The following IGSF21 variants were observed in gnomAD, a reference collection of about 807,000 sequenced individuals.
The protein encoded by IGSF21 is immunoglobin superfamily member 21, also known as immunoglobulin superfamily member 21.
In IGSF21, 28 loss-of-function variants were observed where a neutral mutation model predicts 46.8. The ratio of observed to expected loss-of-function variants is 0.60; its 90% CI spans 0.44 to 0.82. IGSF21 has a LOEUF of 0.82. Among genes scored for constraint, IGSF21 ranks in the 40% least tolerant of loss-of-function variants. IGSF21 has a pLI of 0.00. For synonymous variants in IGSF21, 284 were observed against 273.6 expected (o/e 1.04, Z -0.38); for missense variants, 624 against 665.5 (o/e 0.94, Z 0.69).
intron 1 of IGSF21, among the ~76,000 whole-genome samples, chr1:18,164,390 T>C (rs2086657990): frequency 6.6e-6 from 1 of 151,982 alleles, no homozygotes; most frequent in African/African-American, 2.4e-5. Context: ...GTCCTTCCCT[T>C]TCCTGTCTTT....
chr1:18,215,987 C>T (rs944636948), intron 1 of IGSF21, among the ~76,000 whole-genome samples: 12 of 152,120 alleles, frequency 7.9e-5, no homozygotes, highest in African/African-American at 1.9e-4. Flanking sequence ...AGGTGCATAC[C>T]GGGTCCCTGG....
At position 18,343,392 on chromosome 1, in the gene IGSF21, G is replaced by GATA. The variant is rs375004773; in HGVS notation, c.424+8384_424+8385insAAT. 7.8e-3 allele frequency among the ~76,000 whole-genome samples: 1,181 copies of GATA among 152,256 alleles called. 15 individuals carry two copies. Among genetic ancestry groups the GATA allele is most frequent in the African/African-American group, 0.026 (1,062 of 41,544 alleles). On this transcript the variant is annotated intron_variant, in intron 4 of 9. Coordinates refer to ENST00000251296, the MANE Select transcript of IGSF21 (RefSeq NM_032880.5). Reference sequence around the variant, plus strand: ...CTGCATATTTTTCTCCCATTGTGTAGATTGTCTTTTTACTTTCTCCATGGT... The same window carrying GATA: ...CTGCATATTTTTCTCCCATTGTGTAGATAATTGTCTTTTTACTTTCTCCATGGT...
intron 3 of IGSF21, among the ~76,000 whole-genome samples, chr1:18,302,562 A>C (rs1338122602): frequency 6.6e-6 from 1 of 152,068 alleles, no homozygotes. Flanking sequence ...CCTTTCCAAG[A>C]GCCCACTTCC....
intron 3 of IGSF21, among the ~76,000 whole-genome samples, chr1:18,303,974 G>A (rs576824341): frequency 2.2e-4 from 34 of 152,304 alleles, no homozygotes; most frequent in African/African-American, 8.2e-4. Context: ...AATTGACCTC[G>A]GTTTGAGTTT....
chr1:18,180,780 C>T (rs1472527013), intron 1 of IGSF21, among the ~76,000 whole-genome samples: 1 of 152,210 alleles, frequency 6.6e-6, no homozygotes, highest in Non-Finnish European at 1.5e-5. Flanking sequence ...AAGGCTTATA[C>T]AACCTTGATG....
At chr1:18,136,846 G>A (rs1173902219) in intron 1 of IGSF21, among the ~76,000 whole-genome samples, 1 of 152,144 alleles carries the variant, frequency 6.6e-6, no homozygotes, top group African/African-American at 2.4e-5. Flanking sequence ...ATTACCTCGG[G>A]CAGTATGGCC....
At chr1:18,173,706 G>A (rs2086765141) in intron 1 of IGSF21, among the ~76,000 whole-genome samples, 1 of 152,160 alleles carries the variant, frequency 6.6e-6, no homozygotes, top group Non-Finnish European at 1.5e-5. Context: ...TAGCAGATGT[G>A]GATTTGAGTT....
intron 1 of IGSF21, among the ~76,000 whole-genome samples, chr1:18,209,860 C>T (rs1477322218): frequency 6.6e-6 from 1 of 152,088 alleles, no homozygotes; most frequent in African/African-American, 2.4e-5. Flanking sequence ...GCCCCAGACA[C>T]GGTCCATGCA....
chr1:18,378,483 A>C lies in IGSF21; in HGVS notation c.*157A>C. ...TAAAACAAACAGAACAATTTTCCCC[A>C]CCTCGGTTTGTGGCTCTGCATTCTT... On this transcript the variant is annotated 3_prime_UTR_variant, in exon 10 of 10. Coordinates refer to ENST00000251296, the MANE Select transcript of IGSF21 (RefSeq NM_032880.5). 1 of 645,844 alleles carries C rather than the reference A, an allele frequency of 1.5e-6. No homozygotes were observed. The highest frequency in any genetic ancestry group is 2.6e-6 in the Non-Finnish European group (1 of 378,064). 40.0% of individuals were successfully genotyped at this position (645,844 alleles called of 1,614,324 possible). A position where few individuals can be genotyped will look rare whatever the true frequency, so the allele number is the denominator to read the frequency against.
intron 2 of IGSF21, among the ~76,000 whole-genome samples, chr1:18,256,078 C>T (rs929940027): frequency 6.6e-6 from 1 of 152,178 alleles, no homozygotes; most frequent in Non-Finnish European, 1.5e-5. Context: ...CTTTCATCAG[C>T]CCCAACCCAG....
At chr1:18,359,303 G>GAAAAA (rs1453359448) in intron 4 of IGSF21, among the ~76,000 whole-genome samples, 2 of 111,152 alleles carry the variant, frequency 1.8e-5, no homozygotes, top group Non-Finnish European at 3.9e-5. Context: ...AAAAGAAAAA[G>GAAAAA]AAAAGAAAGA....
intron 2 of IGSF21, among the ~76,000 whole-genome samples, chr1:18,235,636 C>T (rs757851098): frequency 4.6e-5 from 7 of 152,132 alleles, no homozygotes; most frequent in East Asian, 1.9e-4. Flanking sequence ...TGGAACAAAA[C>T]GAATAGGGGG....
At chr1:18,156,624 TG>T (rs1454805564) in intron 1 of IGSF21, among the ~76,000 whole-genome samples, 1 of 152,220 alleles carries the variant, frequency 6.6e-6, no homozygotes, top group African/African-American at 2.4e-5. Context: ...TGTGGCATTC[TG>T]GGTCTCTCCT....
chr1:18,307,883 G>A (rs1050949878), intron 3 of IGSF21, among the ~76,000 whole-genome samples: 2 of 152,152 alleles, frequency 1.3e-5, no homozygotes, highest in East Asian at 1.9e-4. Flanking sequence ...AGGAGGGCTC[G>A]ACCCCAGGCC....
At chr1:18,313,853 G>A (rs1279906530) in intron 3 of IGSF21, among the ~76,000 whole-genome samples, 1 of 152,144 alleles carries the variant, frequency 6.6e-6, no homozygotes, top group Admixed American at 6.5e-5. Flanking sequence ...TGCAGTGCTG[G>A]GACCCAGAGC....
chr1:18,336,592 C>T (rs749472921), intron 4 of IGSF21, among the ~76,000 whole-genome samples: 3 of 152,210 alleles, frequency 2.0e-5, no homozygotes, highest in Non-Finnish European at 4.4e-5. Context: ...AGTGAAGACA[C>T]TGCGCTAAGG....
chr1:18,330,579 G>A (rs946292082), intron 3 of IGSF21, among the ~76,000 whole-genome samples: 13 of 138,418 alleles, frequency 9.4e-5, no homozygotes, highest in Non-Finnish European at 1.4e-4. Flanking sequence ...GAGAAGGGAA[G>A]GTGGGAGACA....
At chr1:18,208,440 GGC>G (rs1160503065) in intron 1 of IGSF21, among the ~76,000 whole-genome samples, 3 of 138,058 alleles carry the variant, frequency 2.2e-5, no homozygotes, top group African/African-American at 7.9e-5. Flanking sequence ...GGAGTGCAGT[GGC>G]GCAATCTCGG....
rs2085252004 is a variant in IGSF21, at chr1:18,290,183, C to T, written c.184-1683C>T. ...GAGGAGAGGAGAATCCTCCTGTCCC[C>T]GTCCTCCTCATCTTCCTCCACTCTC... On this transcript the variant is annotated intron_variant, in intron 2 of 9. Coordinates refer to ENST00000251296, the MANE Select transcript of IGSF21 (RefSeq NM_032880.5). The surrounding 1 kb of genome is among the most constrained non-coding windows in gnomAD (Gnocchi z 4.2). Among the ~76,000 whole-genome samples, 1 of 152,162 alleles carries T rather than the reference C, an allele frequency of 6.6e-6. No individual in the cohort carries two copies. The highest frequency in any genetic ancestry group is 2.4e-5 in the African/African-American group (1 of 41,432).
Sources: gnomAD v4.1 joint callset for allele counts (sites outside exome capture counted in the v4.1 genomes callset) on GRCh38, gnomAD v4.1.1 for gene constraint, Gnocchi (gnomAD v3.1) non-coding constraint, MANE v1.5 for transcripts, NCBI Gene and HGNC (gene_info 2026-07-23, HGNC 2026-07-21) for gene names.